GPAT3: variants seen among roughly 807,000 people sequenced by gnomAD.
The protein encoded by GPAT3 is glycerol-3-phosphate acyltransferase 3, also known as 1-AGP acyltransferase 9.
A neutral mutation model predicts 58.8 loss-of-function variants in GPAT3; 53 were observed. The observed-to-expected ratio is 0.90, with a 90% CI of 0.72 to 1.13. The LOEUF is 1.13. GPAT3 is among the 50% of genes most tolerant of loss of function. The probability of loss-of-function intolerance (pLI) is 0.00; values close to 1 mark genes in which losing one functional copy is unlikely to be tolerated. For synonymous variants in GPAT3, 197 were observed against 187.4 expected (o/e 1.05, Z -0.42); for missense variants, 511 against 527.6 (o/e 0.97, Z 0.31).
chr4:83,551,814 ATCT>A (rs1222686053), intron 2 of GPAT3, among the ~76,000 whole-genome samples: 51 of 47,484 alleles, frequency 1.1e-3, no homozygotes, highest in African/African-American at 6.9e-3. Flanking sequence ...AAAAAAAAAA[ATCT>A]ATCTATCTAT....
Position 83,536,528 on chromosome 4 carries a change from T to TGCTCCTGGAGCTCC in GPAT3, c.-94_-81dup, listed in dbSNP as rs1724096397. 2 of 1,518,118 alleles carry TGCTCCTGGAGCTCC rather than the reference T, an allele frequency of 1.3e-6. No individual in the cohort carries two copies. The highest frequency in any genetic ancestry group is 1.8e-6 in the Non-Finnish European group (2 of 1,135,278). 94.0% of individuals were successfully genotyped at this position (1,518,118 alleles called of 1,614,324 possible). ...GAGGTGAGTGCCGGGCTCGGCGCTC[T>TGCTCCTGGAGCTCC]GCTCCTGGAGCTCCCGCGGGACTGC... On this transcript the variant is annotated 5_prime_UTR_variant, in exon 1 of 12. Transcript: ENST00000264409.
In GPAT3 at chr4:83,579,130, T is replaced by TTC. The variant is rs1560621650; in HGVS notation, c.209-2432_209-2431insTC. Among the ~76,000 whole-genome samples, 41 of 77,070 alleles carry TTC rather than the reference T, an allele frequency of 5.3e-4. 4 individuals are homozygous for TTC. Among genetic ancestry groups the TTC allele is most frequent in the East Asian group, 2.6e-3 (5 of 1,954 alleles). The allele number at this position is 77,070 out of a possible 152,430, so 50.6% of individuals were successfully genotyped here. A position where few individuals can be genotyped will look rare whatever the true frequency, so the allele number is the denominator to read the frequency against. The stretch of plus-strand genomic sequence containing the variant: ...TCCTTCCTTCCTTCCTTCCTTCCTT[T>TTC]CTTTCTCCCTCCCTCCCTCTCTCTC... On this transcript the variant is annotated intron_variant, in intron 2 of 11. Coordinates refer to ENST00000264409, the MANE Select transcript of GPAT3 (RefSeq NM_032717.5).
intron 6 of GPAT3, among the ~76,000 whole-genome samples, chr4:83,592,514 T>A (rs528175784): frequency 1.3e-5 from 2 of 152,298 alleles, no homozygotes; most frequent in Middle Eastern, 6.8e-3. Context: ...TTATATATAT[T>A]TGTAGTATAC....
At chr4:83,573,109 T>C (rs1280346020) in intron 2 of GPAT3, among the ~76,000 whole-genome samples, 1 of 152,168 alleles carries the variant, frequency 6.6e-6, no homozygotes, top group Non-Finnish European at 1.5e-5. Flanking sequence ...CTTGTTAAGA[T>C]GGTATAATGA....
chr4:83,541,371 C>T (rs964891844), intron 1 of GPAT3, among the ~76,000 whole-genome samples: 1 of 151,012 alleles, frequency 6.6e-6, no homozygotes, highest in Non-Finnish European at 1.5e-5. Flanking sequence ...ACGTGTACCA[C>T]CATGCCCAAC....
rs138405336 is a variant in GPAT3 at position 83,562,179 on chromosome 4, T to TTA, written c.208+17596_208+17597dup. On this transcript the variant is annotated intron_variant, in intron 2 of 11. Coordinates refer to ENST00000264409, the MANE Select transcript of GPAT3 (RefSeq NM_032717.5). ...AACTGATTTCTAGTTATTTTATATA[T>TTA]TATATATATATATATATATAATATA... 8.6e-3 allele frequency among the ~76,000 whole-genome samples: 739 copies of TTA among 86,076 alleles called. 7 individuals carry two copies. Among genetic ancestry groups the TTA allele is most frequent in the East Asian group, 0.012 (39 of 3,216 alleles). The allele number at this position is 86,076 out of a possible 152,430, so 56.5% of individuals were successfully genotyped here. A position where few individuals can be genotyped will look rare whatever the true frequency, so the allele number is the denominator to read the frequency against.
intron 1 of GPAT3, among the ~76,000 whole-genome samples, chr4:83,543,217 T>A (rs1422475081): frequency 1.3e-5 from 2 of 151,990 alleles, no homozygotes; most frequent in African/African-American, 4.8e-5. Flanking sequence ...GGAGGATTGC[T>A]TCAGCCTGGG....
Position 83,596,860 on chromosome 4 carries a change from T to C in GPAT3, c.857T>C (p.Leu286Pro). ...TTTGATCCTTTTTTTTTCCATAGACTAAAAGAACATATTGCTGATAAGAAG... is the reference window on the plus strand; with the variant it reads ...TTTGATCCTTTTTTTTTCCATAGACCAAAAGAACATATTGCTGATAAGAAG... ...MKDRHLVTKR[L>P]KEHIADKKKL... The change falls in exon 8 of 12, where the codon CTA (leucine) becomes CCA (proline). Residue 286 changes from leucine to proline, a missense_variant and splice_region_variant. Physicochemically the swap from Leu to Pro is moderately conservative, Grantham distance 98. Coordinates refer to ENST00000264409, the MANE Select transcript of GPAT3 (RefSeq NM_032717.5). The C allele has an allele frequency of 6.2e-7, 1 of 1,604,426 alleles. No individual in the cohort carries two copies. Among genetic ancestry groups the C allele is most frequent in the African/African-American group, 1.3e-5 (1 of 74,276 alleles).
intron 2 of GPAT3, among the ~76,000 whole-genome samples, chr4:83,551,534 C>A (rs1158161815): frequency 6.6e-6 from 1 of 151,966 alleles, no homozygotes; most frequent in African/African-American, 2.4e-5. Context: ...TGGCTCATGC[C>A]TGTAATCCCA....
chr4:83,590,433 A>G, intron 6 of GPAT3, 141 bp downstream of exon 6: 1 of 676,722 alleles, frequency 1.5e-6, no homozygotes, highest in Non-Finnish European at 2.5e-6. Context: ...AAGTTATGTA[A>G]TGTATTTACA....
At chr4:83,535,859 G>C (rs1404525577), upstream of GPAT3, 1 of 985,366 alleles carries the variant, frequency 1.0e-6, no homozygotes, top group Non-Finnish European at 1.2e-6. Context: ...GACCTCAAGC[G>C]TCCCAGATAC....
At chr4:83,578,721 T>C (rs2110094352) in intron 2 of GPAT3, among the ~76,000 whole-genome samples, 1 of 152,282 alleles carries the variant, frequency 6.6e-6, no homozygotes, top group African/African-American at 2.4e-5. Context: ...AGCAAAAGGG[T>C]AATTCAGTAG....
At chr4:83,547,246 CTTTTTT>C (rs10618385) in intron 2 of GPAT3, among the ~76,000 whole-genome samples, 1 of 82,198 alleles carries the variant, frequency 1.2e-5, no homozygotes, top group African/African-American at 5.7e-5. Context: ...TTCTACTGCT[CTTTTTT>C]TTTTTTTTTT....
At chr4:83,542,758 G>A (rs1724349960) in intron 1 of GPAT3, among the ~76,000 whole-genome samples, 1 of 152,156 alleles carries the variant, frequency 6.6e-6, no homozygotes, top group South Asian at 2.1e-4. Flanking sequence ...AGCACTTTGG[G>A]AGGCCGAGGC....
chr4:83,551,786 C>T (rs1315722288), intron 2 of GPAT3, among the ~76,000 whole-genome samples: 1 of 86,980 alleles, frequency 1.1e-5, no homozygotes, highest in Non-Finnish European at 2.4e-5. Context: ...AGTGAGACTC[C>T]ATCTCGGAAA....
intron 2 of GPAT3, among the ~76,000 whole-genome samples, chr4:83,550,888 G>A (rs1020785584): frequency 2.6e-5 from 4 of 152,188 alleles, no homozygotes; most frequent in Non-Finnish European, 5.9e-5. Context: ...ACTCACTAGA[G>A]TACTGTGCAT....
Position 83,596,883 on chromosome 4 carries a change from A to C in GPAT3, c.880A>C (p.Lys294Gln), listed in dbSNP as rs375335065. The C allele has an allele frequency of 2.2e-4, 358 of 1,602,036 alleles. 1 individual carries two copies. The highest frequency in any genetic ancestry group is 2.9e-4 in the Non-Finnish European group (341 of 1,177,258). ...ACTAAAAGAACATATTGCTGATAAG[A>C]AGAAACTACCCATACTAATTTTTCC... ...KRLKEHIADK[K>Q]KLPILIFPEG... The change falls in exon 8 of 12, where the codon AAG (lysine) becomes CAG (glutamine). Residue 294 changes from lysine (K) to glutamine (Q), a missense_variant. By Grantham distance (53) the Lys-to-Gln change is moderately conservative (BLOSUM62 1). Coordinates refer to ENST00000264409, the MANE Select transcript of GPAT3 (RefSeq NM_032717.5).
Position 83,582,969 on chromosome 4 carries a change from G to T in GPAT3, c.479+1137G>T, listed in dbSNP as rs189927811. On this transcript the variant is annotated intron_variant, in intron 3 of 11. Transcript: ENST00000264409. ...AGTGTACAAGACTATCCATTGGCAT[G>T]CAGGAAGGAAATATTAGAGCTCTTA... Among the ~76,000 whole-genome samples the T allele has an allele frequency of 1.1e-4, 17 of 152,266 alleles. No homozygotes were observed. The East Asian group carries it at 3.3e-3, about 29-fold the overall frequency.
chr4:83,598,049 A>T lies in GPAT3; in HGVS notation c.997-2A>T. The T allele has an allele frequency of 6.2e-7, 1 of 1,613,056 alleles. No individual in the cohort carries two copies. The highest frequency in any genetic ancestry group is 1.1e-5 in the South Asian group (1 of 90,958). On this transcript the variant is annotated splice_acceptor_variant, in intron 9 of 11. Coordinates refer to ENST00000264409, the MANE Select transcript of GPAT3 (RefSeq NM_032717.5). LOFTEE classifies it high-confidence loss of function. ...ACTGAGATGTATTTTCTTTTTTCTC[A>T]GTATAACCCTCAGTTCGGTGATGCA... is the stretch of plus-strand genomic sequence containing the variant.
Sources: allele counts gnomAD v4.1 joint callset (sites outside exome capture counted in the v4.1 genomes callset), GRCh38; gene constraint gnomAD v4.1.1; transcripts MANE v1.5; gene names NCBI Gene and HGNC (gene_info 2026-07-23, HGNC 2026-07-21).